The following ZFAND5 variants were observed in gnomAD, a reference collection of about 807,000 sequenced individuals.
ZFAND5 encodes AN1-type zinc finger protein 5.
Under a neutral mutation model 23.6 loss-of-function variants are expected in ZFAND5, and 4 were observed. That is an observed-to-expected ratio of 0.17 (90% CI 0.08 to 0.39). ZFAND5 has a LOEUF of 0.39. Ranked by LOEUF, ZFAND5 falls within the 10% of genes least tolerant of loss-of-function variation. ZFAND5 has a pLI of 1.00. For synonymous variants in ZFAND5, 68 were observed against 80.6 expected (o/e 0.84, Z 0.84); for missense variants, 161 against 253.7 (o/e 0.63, Z 2.48).
At chr9:72,362,953 G>C (rs2131986347) in intron 2 of ZFAND5, among the ~76,000 whole-genome samples, 1 of 152,148 alleles carries the variant, frequency 6.6e-6, no homozygotes. Flanking sequence ...ACAACCCCAA[G>C]AACTAAGGAT....
At chr9:72,357,499 G>GA (rs961668162) in intron 5 of ZFAND5, among the ~76,000 whole-genome samples, 4 of 151,478 alleles carry the variant, frequency 2.6e-5, no homozygotes, top group East Asian at 1.9e-4. Flanking sequence ...ATGCTTATAG[G>GA]AAAAAAAATC....
intron 6 of ZFAND5, 35 bp from the exon 7 acceptor site, chr9:72,356,136 T>C (rs1841935162): frequency 3.8e-6 from 6 of 1,579,400 alleles, no homozygotes; most frequent in Non-Finnish European, 4.3e-6. Context: ...ATTTGAGAAC[T>C]TGAGGCAATT....
At chr9:72,356,548 CTTCCTCAA>C (rs1315991409) in intron 6 of ZFAND5, among the ~76,000 whole-genome samples, 1 of 152,140 alleles carries the variant, frequency 6.6e-6, no homozygotes, top group African/African-American at 2.4e-5. Flanking sequence ...TTAAGTAATG[CTTCCTCAA>C]GTGAAAACAA....
At chr9:72,359,642 TAA>T in intron 4 of ZFAND5, 121 bp from the exon 5 acceptor site, 1 of 935,136 alleles carries the variant, frequency 1.1e-6, no homozygotes. Flanking sequence ...TGGAGCTAGA[TAA>T]TCTAAAGTTT....
At chr9:72,364,609 T>C (rs1359509146) in intron 1 of ZFAND5, 87 bp downstream of exon 1, 5 of 1,210,162 alleles carry the variant, frequency 4.1e-6, no homozygotes, top group Non-Finnish European at 4.2e-6. Flanking sequence ...GCTTCGCCAT[T>C]GGCCCGCGGC....
chr9:72,357,414 T>C (rs1265316118), intron 5 of ZFAND5, among the ~76,000 whole-genome samples: 2 of 152,172 alleles, frequency 1.3e-5, no homozygotes, highest in African/African-American at 4.8e-5. Context: ...TATAATTTCC[T>C]AAATGCAAAC....
chr9:72,363,504 TGCCACTAAGTCAGTGACCTTGG>T lies in ZFAND5; in HGVS notation c.-66_-45del. The T allele has an allele frequency of 2.4e-6, 1 of 423,822 alleles. No individual in the cohort carries two copies. Among genetic ancestry groups the T allele is most frequent in the South Asian group, 1.0e-4 (1 of 9,982 alleles). 26.3% of individuals were successfully genotyped at this position (423,822 alleles called of 1,614,324 possible). On this transcript the variant is annotated 5_prime_UTR_variant, in exon 2 of 7. Coordinates refer to ENST00000376962, the MANE Select transcript of ZFAND5 (RefSeq NM_001102420.3). ...GAGACCTGAGTTCAAGTCTCTAGTC[TGCCACTAAGTCAGTGACCTTGG>T]GCAAGTCCTTACTTTCCAGATTTCA... is the stretch of plus-strand genomic sequence containing the variant.
intron 5 of ZFAND5, 92 bp from the exon 6 acceptor site, chr9:72,357,148 C>A (rs1045084716): frequency 6.9e-7 from 1 of 1,456,306 alleles, no homozygotes; most frequent in Non-Finnish European, 9.3e-7. Context: ...CAGGAAGATG[C>A]CTGATAAAAA....
chr9:72,360,540 T>G lies in ZFAND5; in HGVS notation c.151+88A>C. 9 of 1,564,958 alleles carry G rather than the reference T, an allele frequency of 5.8e-6. 1 individual carries two copies. The South Asian group carries it at 9.0e-5, about 16-fold the overall frequency. ...GCTCTTATCAGGTGTTCTCTCCATG[T>G]GCTTTCAGCATTCTCAGCCCCAATT... On this transcript the variant is annotated intron_variant, in intron 3 of 6. Transcript: ENST00000376962.
At position 72,361,827 on chromosome 9, in the gene ZFAND5, A is replaced by G. The variant is rs1191632863; in HGVS notation, c.-9-1040T>C. The stretch of plus-strand genomic sequence containing the variant: ...GTGGAGGGTTTTCATGTCATCTTAA[A>G]CATGTATAAGCATATGTACAAAAAG... On this transcript the variant is annotated intron_variant, in intron 2 of 6. Transcript: ENST00000376962. 2.0e-5 allele frequency among the ~76,000 whole-genome samples: 3 copies of G among 152,234 alleles called. No homozygotes were observed. In the East Asian group the frequency reaches 5.8e-4, roughly 29 times the overall value.
chr9:72,364,027 A>G (rs1842182454), intron 1 of ZFAND5: 1 of 152,734 alleles, frequency 6.5e-6, no homozygotes. Flanking sequence ...ATGAAAACGG[A>G]TCTCAGGATA....
chr9:72,361,060 T>C (rs1299545220), intron 2 of ZFAND5, among the ~76,000 whole-genome samples: 1 of 152,216 alleles, frequency 6.6e-6, no homozygotes, highest in East Asian at 1.9e-4. Flanking sequence ...TATGAAAAGG[T>C]CTGTTAGCTC....
intron 5 of ZFAND5, 98 bp from the exon 6 acceptor site, chr9:72,357,154 AAAAATGTTTATAAGTATTCCTTG>A: frequency 1.4e-6 from 2 of 1,413,306 alleles, no homozygotes; most frequent in South Asian, 2.7e-5. Flanking sequence ...GATGCCTGAT[AAAAATGTTTATAAGTATTCCTTG>A]AAAATACAAG....
At chr9:72,363,045 C>T (rs1446915951) in intron 2 of ZFAND5, among the ~76,000 whole-genome samples, 2 of 152,084 alleles carry the variant, frequency 1.3e-5, no homozygotes, top group Non-Finnish European at 2.9e-5. Flanking sequence ...ACAGAACAAT[C>T]TCAATCTAGA....
At position 72,359,444 on chromosome 9, in the gene ZFAND5, G is replaced by T. The variant is rs1296175920; in HGVS notation, c.341C>A (p.Thr114Asn). Residue 114 changes from threonine to asparagine, a missense_variant, in exon 5 of 7, where the codon ACC (threonine) becomes AAC (asparagine). Physicochemically the swap from Thr to Asn is moderately conservative, Grantham distance 65. Transcript: ENST00000376962. The stretch of plus-strand genomic sequence containing the variant: ...TGGCTCTGACACCTCTGTTTTCGGG[G>T]TAGTTATTTTGTCCTCTCTTGAAAT... ...MSISREDKIT[T>N]PKTEVSEPVV... 6.2e-7 allele frequency: 1 copy of T among 1,613,272 alleles called. No homozygotes were observed. The highest frequency in any genetic ancestry group is 8.5e-7 in the Non-Finnish European group (1 of 1,179,636).
At chr9:72,364,444 C>T (rs1226884228) in intron 1 of ZFAND5, 11 of 1,269,756 alleles carry the variant, frequency 8.7e-6, no homozygotes, top group African/African-American at 6.5e-5. Context: ...GGCGGCACGC[C>T]GTGCATTGTT....
At position 72,360,203 on chromosome 9, in the gene ZFAND5, T is replaced by C. The variant is rs1476600845; in HGVS notation, c.170A>G (p.Asn57Ser). The change falls in exon 4 of 7, where the codon AAC becomes AGC. Residue 57 changes from asparagine to serine, a missense_variant. By Grantham distance (46) the Asn-to-Ser change is conservative. This residue lies in a region of ZFAND5 where 116 missense variants were observed against 115.2 expected (regional missense o/e 1.01). Coordinates refer to ENST00000376962, the MANE Select transcript of ZFAND5 (RefSeq NM_001102420.3). ...MSPMGTASGS[N>S]SPTSDSASVQ... ...AGATGCAGAATCTGAGGTAGGACTG[T>C]TGGAACCACTAGCTGTTCCTATTTA... is the stretch of plus-strand genomic sequence containing the variant. The C allele has an allele frequency of 1.2e-6, 2 of 1,612,530 alleles. No individual in the cohort carries two copies. Among genetic ancestry groups the C allele is most frequent in the Admixed American group, 1.7e-5 (1 of 59,764 alleles).
At chr9:72,357,474 G>A (rs1008452533) in intron 5 of ZFAND5, among the ~76,000 whole-genome samples, 1 of 152,014 alleles carries the variant, frequency 6.6e-6, no homozygotes, top group Non-Finnish European at 1.5e-5. Flanking sequence ...AATAACAGTA[G>A]CCAACTTTGA....
intron 1 of ZFAND5, chr9:72,364,337 G>A (rs891637482): frequency 7.4e-5 from 80 of 1,079,912 alleles, no homozygotes; most frequent in Middle Eastern, 8.2e-4. Context: ...CGGGCAGGGG[G>A]CGCGGCCGCC....
Sources: allele counts gnomAD v4.1 joint callset (sites outside exome capture counted in the v4.1 genomes callset), GRCh38; gene constraint gnomAD v4.1.1; regional missense constraint gnomAD v4.1.1; transcripts MANE v1.5; gene names NCBI Gene and HGNC (gene_info 2026-07-23, HGNC 2026-07-21).